Variants in AKT2 observed in about 807,000 individuals in gnomAD.
AKT2 encodes the protein AKT serine/threonine kinase 2, also known as RAC-beta serine/threonine-protein kinase.
A neutral mutation model predicts 58.6 loss-of-function variants in AKT2; 16 were observed. The ratio of observed to expected loss-of-function variants is 0.27; its 90% CI spans 0.18 to 0.41. The LOEUF (loss-of-function observed/expected upper bound fraction) is 0.41, where lower values mean the gene tolerates loss of function less well. AKT2 is among the 10% of genes least tolerant of loss of function. The probability of loss-of-function intolerance (pLI) is 1.00; values close to 1 mark genes in which losing one functional copy is unlikely to be tolerated. For synonymous variants in AKT2, 253 were observed against 254.0 expected, an observed-to-expected ratio of 1.00 and a Z score of 0.04; for missense variants, 438 against 661.0, an observed-to-expected ratio of 0.66 and a Z score of 3.70.
chr19:40,249,194 G>C (rs1177139586), intron 4 of AKT2, among the ~76,000 whole-genome samples: 1 of 152,136 alleles, frequency 6.6e-6, no homozygotes, highest in East Asian at 1.9e-4. Flanking sequence ...AGTCAGGGGG[G>C]AACAGGCTCC....
chr19:40,253,162 C>T (rs770376269), intron 4 of AKT2, among the ~76,000 whole-genome samples: 6 of 152,114 alleles, frequency 3.9e-5, no homozygotes, highest in Non-Finnish European at 7.4e-5. Flanking sequence ...TCGGCACAAG[C>T]AGTCAGCACA....
intron 1 of AKT2, chr19:40,270,904 T>C: frequency 6.6e-6 from 1 of 151,646 alleles, no homozygotes. Flanking sequence ...TCCCAGCTAC[T>C]TGGGAGGCTG....
At chr19:40,257,396 C>A (rs1175135361) in intron 2 of AKT2, among the ~76,000 whole-genome samples, 1 of 152,236 alleles carries the variant, frequency 6.6e-6, no homozygotes, top group East Asian at 1.9e-4. Context: ...GGCTTCCAAA[C>A]ACACATGCCC....
At position 40,237,154 on chromosome 19, in the gene AKT2, C is replaced by T. The variant is rs1974082277; in HGVS notation, c.832-769G>A. On this transcript the variant is annotated intron_variant, in intron 9 of 13. Transcript: ENST00000392038. The surrounding 1 kb of genome is among the most constrained non-coding windows in gnomAD (Gnocchi z 4.5). ...CTCATTCCTAACTGCTGTGTGGCGT[C>T]CCACTGTGAGAACACTCCACAGTGG... 6.5e-6 allele frequency: 1 copy of T among 154,806 alleles called. No homozygotes were observed. Among genetic ancestry groups the T allele is most frequent in the African/African-American group, 2.4e-5 (1 of 41,460 alleles). 9.6% of individuals were successfully genotyped at this position (154,806 alleles called of 1,614,324 possible). A position where few individuals can be genotyped will look rare whatever the true frequency, so the allele number is the denominator to read the frequency against.
At chr19:40,251,665 G>C (rs1329639463) in intron 4 of AKT2, among the ~76,000 whole-genome samples, 1 of 152,144 alleles carries the variant, frequency 6.6e-6, no homozygotes, top group Non-Finnish European at 1.5e-5. Flanking sequence ...AATGAATACT[G>C]GTTTTAAAAC....
intron 4 of AKT2, among the ~76,000 whole-genome samples, chr19:40,248,435 G>A (rs192176578): frequency 1.2e-4 from 19 of 152,212 alleles, no homozygotes; most frequent in African/African-American, 4.6e-4. Context: ...AAGCTCCAAG[G>A]CGGGGGCCAA....
In AKT2 at chr19:40,237,778, G is replaced by A; in HGVS notation, c.831+191C>T. 1.3e-6 allele frequency: 1 copy of A among 773,884 alleles called. No homozygotes were observed. The highest frequency in any genetic ancestry group is 3.0e-5 in the East Asian group (1 of 33,744). 47.9% of individuals were successfully genotyped at this position (773,884 alleles called of 1,614,324 possible). On this transcript the variant is annotated intron_variant, in intron 9 of 13. Transcript: ENST00000392038. The surrounding 1 kb of genome is among the most constrained non-coding windows in gnomAD (Gnocchi z 4.5). Reference sequence around the variant, plus strand: ...GAGCCACCACCCTGGACCTTGGTGGGGAGCCTGGTGAATGAGGGCAGCCAC... The same window carrying A: ...GAGCCACCACCCTGGACCTTGGTGGAGAGCCTGGTGAATGAGGGCAGCCAC...
chr19:40,237,761 AC>A lies in AKT2; in HGVS notation c.831+207del. 1.4e-6 allele frequency: 1 copy of A among 690,686 alleles called. No homozygotes were observed. Among genetic ancestry groups the A allele is most frequent in the Non-Finnish European group, 2.4e-6 (1 of 419,738 alleles). The allele number at this position is 690,686 out of a possible 1,614,324, so 42.8% of individuals were successfully genotyped here. A position where few individuals can be genotyped will look rare whatever the true frequency, so the allele number is the denominator to read the frequency against. The stretch of plus-strand genomic sequence containing the variant: ...TGGGGCAACTTGCCACAGAGCCACC[AC>A]CCTGGACCTTGGTGGGGAGCCTGGT... On this transcript the variant is annotated intron_variant, in intron 9 of 13. Transcript: ENST00000392038. The surrounding 1 kb of genome is among the most constrained non-coding windows in gnomAD (Gnocchi z 4.5).
intron 6 of AKT2, 28 bp downstream of exon 6, chr19:40,241,910 T>C (rs1405704233): frequency 6.2e-7 from 1 of 1,612,974 alleles, no homozygotes; most frequent in Admixed American, 1.7e-5. Flanking sequence ...CCACAGAGGC[T>C]CGCGAGCGCA....
chr19:40,241,793 G>C lies in AKT2; in HGVS notation c.573+145C>G. 4 of 1,261,538 alleles carry C rather than the reference G, an allele frequency of 3.2e-6. No homozygotes were observed. The South Asian group carries it at 5.2e-5, about 16-fold the overall frequency. 78.1% of individuals were successfully genotyped at this position (1,261,538 alleles called of 1,614,324 possible). ...CCTGCTGCTCCTCTCTGGGCCTCAG[G>C]CTCCCCCTTTTCTGACTAGGGGGAA... On this transcript the variant is annotated intron_variant, in intron 6 of 13. Coordinates refer to ENST00000392038, the MANE Select transcript of AKT2 (RefSeq NM_001626.6).
Position 40,235,305 on chromosome 19 carries a change from C to A in AKT2, c.1221G>T (p.Arg407Ser). 1 of 1,614,044 alleles carries A rather than the reference C, an allele frequency of 6.2e-7. No homozygotes were observed. The highest frequency in any genetic ancestry group is 1.6e-4 in the Middle Eastern group (1 of 6,062). Reference sequence around the variant, plus strand: ...CCTGCCAGTTGATGCTGAGGAAGAACCTGTGCTCCATGACCTCCTTGGCAT... The same window carrying A: ...CCTGCCAGTTGATGCTGAGGAAGAAACTGTGCTCCATGACCTCCTTGGCAT... ...PSDAKEVMEHRFFLSINWQDV... is the reference protein window; with the variant it reads ...PSDAKEVMEHSFFLSINWQDV... Residue 407 changes from arginine to serine, a missense_variant, in exon 12 of 14, where the codon AGG becomes AGT. Arg to Ser is a moderately radical substitution (Grantham distance 110). Transcript: ENST00000392038. The surrounding 1 kb of genome is among the most constrained non-coding windows in gnomAD (Gnocchi z 6.3).
At chr19:40,281,136 C>T (rs1313155099) in intron 1 of AKT2, among the ~76,000 whole-genome samples, 1 of 152,214 alleles carries the variant, frequency 6.6e-6, no homozygotes, top group Non-Finnish European at 1.5e-5. Flanking sequence ...CCCCTGCAGG[C>T]ACTTCTGCTG....
chr19:40,274,762 T>A, intron 1 of AKT2: 1 of 297,026 alleles, frequency 3.4e-6, no homozygotes, highest in South Asian at 3.0e-5. Context: ...CCTACAGGAG[T>A]GGGTGAAGGG....
rs1394562686 is a variant in AKT2, at chr19:40,235,540, C to T, written c.1176-190G>A. ...AGGGTCAGAGCCAGGGAGTCAGCAA[C>T]CCGGACCCACGTGTCCTCACTGCCT... On this transcript the variant is annotated intron_variant, in intron 11 of 13. Transcript: ENST00000392038. This position sits in a 1 kb window ranked among gnomAD's most constrained non-coding sequence, Gnocchi z 6.3. The T allele has an allele frequency of 5.5e-5, 37 of 671,960 alleles. No homozygotes were observed. Among genetic ancestry groups the T allele is most frequent in the Non-Finnish European group, 2.7e-6 (1 of 376,274 alleles). The allele number at this position is 671,960 out of a possible 1,614,324, so 41.6% of individuals were successfully genotyped here.
Position 40,230,968 on chromosome 19 carries a change from C to T in AKT2, c.*2904G>A, listed in dbSNP as rs1213378715. On this transcript the variant is annotated 3_prime_UTR_variant, in exon 14 of 14. Transcript: ENST00000392038. ...GAACCCCTGGCCTCAAGAGACCCGC[C>T]CGCCTCGGCCTCCCAAATTGCTGGG... 5.2e-6 allele frequency: 1 copy of T among 193,942 alleles called. No individual in the cohort carries two copies. Among genetic ancestry groups the T allele is most frequent in the Non-Finnish European group, 1.1e-5 (1 of 93,202 alleles). The allele number at this position is 193,942 out of a possible 1,614,324, so 12.0% of individuals were successfully genotyped here.
Position 40,237,103 on chromosome 19 carries a change from G to T in AKT2, c.832-718C>A, listed in dbSNP as rs937970427. ...CCCTCGACATTAGCCTATGAGACGCGTCCACACTGTCGTGTGTAGCTGTAG... is the reference window on the plus strand; with the variant it reads ...CCCTCGACATTAGCCTATGAGACGCTTCCACACTGTCGTGTGTAGCTGTAG... On this transcript the variant is annotated intron_variant, in intron 9 of 13. Transcript: ENST00000392038. The surrounding 1 kb of genome is among the most constrained non-coding windows in gnomAD (Gnocchi z 4.5). 1.9e-5 allele frequency: 3 copies of T among 157,088 alleles called. No homozygotes were observed. Among genetic ancestry groups the T allele is most frequent in the African/African-American group, 7.2e-5 (3 of 41,470 alleles). The allele number at this position is 157,088 out of a possible 1,614,324, so 9.7% of individuals were successfully genotyped here.
At chr19:40,274,761 G>A (rs2077279261) in intron 1 of AKT2, 4 of 323,468 alleles carry the variant, frequency 1.2e-5, no homozygotes, top group Admixed American at 7.8e-5. Flanking sequence ...GCCTACAGGA[G>A]TGGGTGAAGG....
chr19:40,260,277 T>G (rs1975842006), intron 2 of AKT2, among the ~76,000 whole-genome samples: 1 of 152,108 alleles, frequency 6.6e-6, no homozygotes, highest in African/African-American at 2.4e-5. Flanking sequence ...GACACCCTCA[T>G]GCACTGCTGG....
rs1160570088 is a variant in AKT2 at position 40,231,049 on chromosome 19, G to A, written c.*2823C>T. 4.6e-6 allele frequency: 1 copy of A among 216,638 alleles called. No individual in the cohort carries two copies. Among genetic ancestry groups the A allele is most frequent in the Non-Finnish European group, 9.3e-6 (1 of 107,858 alleles). The allele number at this position is 216,638 out of a possible 1,614,324, so 13.4% of individuals were successfully genotyped here. Reference sequence around the variant, plus strand: ...CTGTTCTTTATATACAAAAAAGAATGTGTGAAATTTTTAAAATGTACATTG... The same window carrying A: ...CTGTTCTTTATATACAAAAAAGAATATGTGAAATTTTTAAAATGTACATTG... On this transcript the variant is annotated 3_prime_UTR_variant, in exon 14 of 14. Transcript: ENST00000392038.
Sources: allele counts gnomAD v4.1 joint callset (sites outside exome capture counted in the v4.1 genomes callset), GRCh38; gene constraint gnomAD v4.1.1; non-coding constraint Gnocchi (gnomAD v3.1); transcripts MANE v1.5; gene names NCBI Gene and HGNC (gene_info 2026-07-23, HGNC 2026-07-21).